GTF2B: variants seen among roughly 807,000 people sequenced by gnomAD.
GTF2B encodes general transcription factor IIB.
GTF2B carries 20 observed loss-of-function variants against 34.6 expected under a neutral mutation model. That is an observed-to-expected ratio of 0.58 (90% CI 0.41 to 0.84). The LOEUF is 0.84. GTF2B is among the 40% of genes least tolerant of loss of function. GTF2B has a pLI of 0.00. For missense variants in GTF2B, 237 were observed against 393.3 expected, an observed-to-expected ratio of 0.60 and a Z score of 3.36; for synonymous variants, 142 against 132.4, an observed-to-expected ratio of 1.07 and a Z score of -0.50.
rs1673221734 is a variant in GTF2B, at chr1:88,852,841, T to C, written c.*372A>G. ...TAAAAAACTATGTATATATAAGTAA[T>C]GGAAATAAAGTCTATCAGCTTTATT... On this transcript the variant is annotated 3_prime_UTR_variant, in exon 7 of 7. Transcript: ENST00000370500. The C allele has an allele frequency of 1.1e-5, 2 of 180,296 alleles. No homozygotes were observed. The highest frequency in any genetic ancestry group is 1.1e-4 in the South Asian group (1 of 9,270). 11.2% of individuals were successfully genotyped at this position (180,296 alleles called of 1,614,324 possible). A position where few individuals can be genotyped will look rare whatever the true frequency, so the allele number is the denominator to read the frequency against.
intron 1 of GTF2B, among the ~76,000 whole-genome samples, chr1:88,889,903 C>A (rs1674159193): frequency 6.6e-6 from 1 of 151,928 alleles, no homozygotes; most frequent in African/African-American, 2.4e-5. Context: ...TAGCCAGGCA[C>A]GTGGTGTGTA....
chr1:88,862,694 A>T (rs1673464736), intron 3 of GTF2B, among the ~76,000 whole-genome samples: 1 of 151,962 alleles, frequency 6.6e-6, no homozygotes. Context: ...GCTGGAGTGC[A>T]GTCGCGCGAT....
intron 2 of GTF2B, among the ~76,000 whole-genome samples, chr1:88,886,535 C>T (rs1674072448): frequency 6.6e-6 from 1 of 152,120 alleles, no homozygotes; most frequent in Non-Finnish European, 1.5e-5. Flanking sequence ...TTCTTTTTGA[C>T]TAAAAGGCTT....
At chr1:88,867,200 A>C (rs1673581531) in intron 2 of GTF2B, among the ~76,000 whole-genome samples, 1 of 152,210 alleles carries the variant, frequency 6.6e-6, no homozygotes, top group Non-Finnish European at 1.5e-5. Context: ...CGTTAGAAAA[A>C]AATTACCTGC....
chr1:88,858,673 A>C (rs1673372478), intron 5 of GTF2B: 1 of 152,214 alleles, frequency 6.6e-6, no homozygotes, highest in African/African-American at 2.4e-5. Context: ...TAAAAAATAA[A>C]TACTCACTGG....
chr1:88,857,314 G>T lies in GTF2B; in HGVS notation c.709C>A (p.Arg237Ser). The T allele has an allele frequency of 1.2e-6, 2 of 1,613,064 alleles. No homozygotes were observed. Among genetic ancestry groups the T allele is most frequent in the Non-Finnish European group, 1.7e-6 (2 of 1,179,144 alleles). ...QVQMAATHIA[R>S]KAVELDLVPG... ...ACCAAGTCCAGTTCCACAGCTTTAC[G>T]GGCTATATGTGTAGCTGCCATCTGT... is the stretch of plus-strand genomic sequence containing the variant. Residue 237 changes from arginine to serine, a missense_variant, in exon 6 of 7, where the codon CGT (arginine) becomes AGT (serine). Physicochemically the swap from Arg to Ser is moderately radical, Grantham distance 110 (BLOSUM62 -1). Around this residue, in one of 3 missense-constraint regions of GTF2B, gnomAD observed 78 missense variants for 116.6 expected, o/e 0.67. Coordinates refer to ENST00000370500, the MANE Select transcript of GTF2B (RefSeq NM_001514.6).
intron 4 of GTF2B, 56 bp downstream of exon 4, chr1:88,860,084 T>C (rs965923566): frequency 8.3e-5 from 133 of 1,610,854 alleles, no homozygotes; most frequent in Admixed American, 3.8e-4. Context: ...CATGTGTTCA[T>C]TAAATTATGC....
Position 88,864,044 on chromosome 1 carries a change from A to G in GTF2B, c.195T>C (p.Ser65=). Residue 65 remains serine (S), a synonymous_variant, in exon 3 of 7, where the codon TCT becomes TCC. Transcript: ENST00000370500. ...FSNDKATKDP[S]RVGDSQNPLL... ...GAGGATTCTGAGAATCTCCAACTCG[A>G]GATGGATCTTTTGTTGCTTTGTCAT... The G allele has an allele frequency of 6.2e-7, 1 of 1,613,426 alleles. No individual in the cohort carries two copies. The highest frequency in any genetic ancestry group is 8.5e-7 in the Non-Finnish European group (1 of 1,179,350).
At chr1:88,872,346 G>T (rs995941382) in intron 2 of GTF2B, among the ~76,000 whole-genome samples, 3 of 151,220 alleles carry the variant, frequency 2.0e-5, no homozygotes, top group African/African-American at 7.3e-5. Flanking sequence ...CCAGGTACTT[G>T]GGAGGCTGAG....
At chr1:88,882,698 T>C (rs1673977407) in intron 2 of GTF2B, among the ~76,000 whole-genome samples, 2 of 152,256 alleles carry the variant, frequency 1.3e-5, no homozygotes, top group African/African-American at 4.8e-5. Flanking sequence ...CAAGATTTTA[T>C]GTATTTCACT....
At chr1:88,886,280 C>T (rs1027877495) in intron 2 of GTF2B, among the ~76,000 whole-genome samples, 1 of 152,134 alleles carries the variant, frequency 6.6e-6, no homozygotes, top group Non-Finnish European at 1.5e-5. Flanking sequence ...TGTTATACTG[C>T]CCACAATCCT....
chr1:88,882,310 CAAAAAAAAAA>C (rs59699371), intron 2 of GTF2B, among the ~76,000 whole-genome samples: 3 of 36,016 alleles, frequency 8.3e-5, no homozygotes, highest in African/African-American at 2.4e-4. Context: ...ACTCTCACTC[CAAAAAAAAAA>C]AAAAAAAAAA....
chr1:88,868,221 T>C (rs887643202), intron 2 of GTF2B, among the ~76,000 whole-genome samples: 1 of 152,254 alleles, frequency 6.6e-6, no homozygotes, highest in African/African-American at 2.4e-5. Context: ...CTGGGTATAA[T>C]CTATAGTCAA....
intron 2 of GTF2B, among the ~76,000 whole-genome samples, chr1:88,870,896 C>CTTTTTTTTTTTTTTTTTTTT (rs1022965980): frequency 9.2e-6 from 1 of 109,186 alleles, no homozygotes. Flanking sequence ...CTTACACAGT[C>CTTTTTTTTTTTTTTTTTTTT]TTTTTTTTTT....
At chr1:88,871,712 T>G (rs2100971915) in intron 2 of GTF2B, among the ~76,000 whole-genome samples, 1 of 152,340 alleles carries the variant, frequency 6.6e-6, no homozygotes, top group Non-Finnish European at 1.5e-5. Context: ...TAAAGTCGTA[T>G]AAAAGACTGC....
At chr1:88,870,384 A>G (rs1673663574) in intron 2 of GTF2B, among the ~76,000 whole-genome samples, 1 of 152,224 alleles carries the variant, frequency 6.6e-6, no homozygotes, top group Admixed American at 6.5e-5. Flanking sequence ...CTAATATACT[A>G]CTGATTTTGA....
intron 2 of GTF2B, among the ~76,000 whole-genome samples, chr1:88,870,938 G>A (rs1673678704): frequency 7.7e-6 from 1 of 130,420 alleles, no homozygotes; most frequent in Non-Finnish European, 1.5e-5. Context: ...GTCTCGCTCA[G>A]TCACCCAGGC....
At chr1:88,863,348 T>C (rs1230896052) in intron 3 of GTF2B, among the ~76,000 whole-genome samples, 1 of 142,088 alleles carries the variant, frequency 7.0e-6, no homozygotes, top group African/African-American at 3.0e-5. Flanking sequence ...GAAGACATTC[T>C]TTTCTTTTTT....
At chr1:88,881,134 C>T (rs1673929361) in intron 2 of GTF2B, among the ~76,000 whole-genome samples, 1 of 142,588 alleles carries the variant, frequency 7.0e-6, no homozygotes, top group African/African-American at 2.6e-5. Flanking sequence ...CCAGAAGCTC[C>T]AAAAGCCAGA....
Sources: gnomAD v4.1 joint callset for allele counts (sites outside exome capture counted in the v4.1 genomes callset) on GRCh38, gnomAD v4.1.1 for gene constraint, gnomAD v4.1.1 regional missense constraint, MANE v1.5 for transcripts, NCBI Gene and HGNC (gene_info 2026-07-23, HGNC 2026-07-21) for gene names.